The following FAM162B variants were observed in gnomAD, a reference collection of about 807,000 sequenced individuals.
FAM162B encodes protein FAM162B.
Under a neutral mutation model 20.0 loss-of-function variants are expected in FAM162B, and 16 were observed. The ratio of observed to expected loss-of-function variants is 0.80; its 90% confidence interval spans 0.54 to 1.21. FAM162B has a LOEUF of 1.21. Among genes scored for constraint, FAM162B ranks in the 50% most tolerant of loss-of-function variants. The pLI, the probability that FAM162B is intolerant of heterozygous loss-of-function variation, is 0.00. For synonymous variants in FAM162B, 83 were observed against 89.7 expected (o/e 0.93, Z 0.42); for missense variants, 260 against 227.5 (o/e 1.14, Z -0.92).
chr6:116,757,094 T>C (rs1400060224), intron 3 of FAM162B, among the ~76,000 whole-genome samples: 3 of 152,224 alleles, frequency 2.0e-5, no homozygotes, highest in Non-Finnish European at 2.9e-5. Flanking sequence ...AAAACTACTA[T>C]ATCTTCCAAT....
intron 3 of FAM162B, among the ~76,000 whole-genome samples, chr6:116,753,918 C>T (rs757564221): frequency 2.6e-5 from 4 of 152,110 alleles, no homozygotes; most frequent in Non-Finnish European, 5.9e-5. Flanking sequence ...TGTGGTACCA[C>T]GGAAACCAAG....
chr6:116,761,978 CT>C lies in FAM162B; in HGVS notation c.388del (p.Arg130GlyfsTer3). On this transcript the variant is annotated frameshift_variant and splice_region_variant, in exon 3 of 4. Transcript: ENST00000368557. LOFTEE classifies it high-confidence loss of function. Reference protein sequence around the residue: ...ACFAVIVSAKRAVERHESLTS... With the variant: ...ACFAVIVSAKXAVERHESLTS... Reference sequence around the variant, plus strand: ...TTGCCCTTTTAAGGAGATACTCACCCTTTTGGCTGACACTATCACAGCAAAG... The same window carrying C: ...TTGCCCTTTTAAGGAGATACTCACCCTTTGGCTGACACTATCACAGCAAAG... The C allele has an allele frequency of 1.3e-6, 2 of 1,589,110 alleles. No homozygotes were observed. Among genetic ancestry groups the C allele is most frequent in the Non-Finnish European group, 1.7e-6 (2 of 1,161,702 alleles).
Position 116,752,594 on chromosome 6 carries a change from A to G in FAM162B, c.*3T>C, listed in dbSNP as rs1188862197. 6.4e-7 allele frequency: 1 copy of G among 1,568,326 alleles called. No homozygotes were observed. Among genetic ancestry groups the G allele is most frequent in the Non-Finnish European group, 8.7e-7 (1 of 1,150,736 alleles). ...TCAGGTGAACACTTTGTCACTTAGA[A>G]TATCATTTAGCTTTAGCCTGTGCAG... On this transcript the variant is annotated 3_prime_UTR_variant, in exon 4 of 4. Transcript: ENST00000368557.
Position 116,765,450 on chromosome 6 carries a change from A to T in FAM162B, c.127T>A (p.Tyr43Asn). The T allele has an allele frequency of 2.1e-6, 3 of 1,443,548 alleles. No individual in the cohort carries two copies. Among genetic ancestry groups the T allele is most frequent in the Non-Finnish European group, 2.7e-6 (3 of 1,098,944 alleles). 89.4% of individuals were successfully genotyped at this position (1,443,548 alleles called of 1,614,324 possible). A position where few individuals can be genotyped will look rare whatever the true frequency, so the allele number is the denominator to read the frequency against. The change falls in exon 1 of 4, where the codon TAC becomes AAC. Residue 43 changes from tyrosine (Y) to asparagine (N), a missense_variant. By Grantham distance (143) the Tyr-to-Asn change is moderately radical. Transcript: ENST00000368557. ...PALPPRGLPC[Y>N]SSGGAPSNSG... is the part of the protein sequence containing the mutation. ...TTGCTGGGGGCCCCGCCGCTGGAGT[A>T]GCAGGGGAGACCCCGGGGCGGAAGA...
chr6:116,761,902 A>C, intron 3 of FAM162B, 75 bp downstream of exon 3: 2,307 of 1,041,736 alleles, frequency 2.2e-3, no homozygotes, highest in Non-Finnish European at 2.9e-3. Context: ...TTTTGGTGAG[A>C]TACTCTTTTA....
At chr6:116,761,660 T>G (rs576851513) in intron 3 of FAM162B, among the ~76,000 whole-genome samples, 2 of 144,314 alleles carry the variant, frequency 1.4e-5, no homozygotes, top group Non-Finnish European at 3.0e-5. Flanking sequence ...ATATATATAC[T>G]TATATATATA....
chr6:116,758,170 T>A (rs1226392152), intron 3 of FAM162B, among the ~76,000 whole-genome samples: 1 of 152,130 alleles, frequency 6.6e-6, no homozygotes, highest in Non-Finnish European at 1.5e-5. Flanking sequence ...CAAGAATCAT[T>A]TACAATAGGC....
chr6:116,759,692 G>A (rs1780114957), intron 3 of FAM162B, among the ~76,000 whole-genome samples: 1 of 152,038 alleles, frequency 6.6e-6, no homozygotes, highest in Non-Finnish European at 1.5e-5. Flanking sequence ...ACTCTACACT[G>A]GATCCCCAAT....
chr6:116,756,640 TGAAA>T (rs910818586), intron 3 of FAM162B, among the ~76,000 whole-genome samples: 7 of 152,330 alleles, frequency 4.6e-5, no homozygotes, highest in Admixed American at 2.0e-4. Context: ...AAATCTTTCA[TGAAA>T]GAAAGAGTCA....
At chr6:116,753,903 G>A (rs536833331) in intron 3 of FAM162B, among the ~76,000 whole-genome samples, 1 of 152,260 alleles carries the variant, frequency 6.6e-6, no homozygotes. Flanking sequence ...GACAACCTAC[G>A]TGAGTGTGGT....
chr6:116,762,237 AG>A, intron 2 of FAM162B, 152 bp from the exon 3 acceptor site: 1 of 558,548 alleles, frequency 1.8e-6, no homozygotes, highest in Non-Finnish European at 3.1e-6. Flanking sequence ...TTGAAATGCT[AG>A]CTAGTTATTT....
intron 3 of FAM162B, among the ~76,000 whole-genome samples, chr6:116,756,287 C>T (rs9387433): frequency 0.13 from 20,126 of 152,080 alleles, 1,685 homozygotes; most frequent in East Asian, 0.31. Context: ...GGGTTCAAGC[C>T]TTCAGTGGAG....
intron 3 of FAM162B, 85 bp from the exon 4 acceptor site, chr6:116,752,780 C>T: frequency 2.8e-6 from 1 of 362,618 alleles, no homozygotes; most frequent in African/African-American, 2.5e-5. Flanking sequence ...ATATATCTCA[C>T]TGTGACTCTC....
At chr6:116,761,499 G>A (rs987912444) in intron 3 of FAM162B, among the ~76,000 whole-genome samples, 4 of 151,374 alleles carry the variant, frequency 2.6e-5, no homozygotes, top group South Asian at 2.1e-4. Flanking sequence ...TTTTAACCAC[G>A]GTGTAAATTG....
intron 3 of FAM162B, among the ~76,000 whole-genome samples, chr6:116,757,205 G>A (rs1429817988): frequency 6.6e-6 from 1 of 152,094 alleles, no homozygotes; most frequent in Non-Finnish European, 1.5e-5. Context: ...ATAAAATTAA[G>A]TATTAGCACC....
intron 3 of FAM162B, among the ~76,000 whole-genome samples, chr6:116,753,752 A>G (rs905654916): frequency 1.3e-5 from 2 of 152,190 alleles, no homozygotes; most frequent in Admixed American, 6.5e-5. Flanking sequence ...TAAATCCAGA[A>G]GACTTGGTAA....
chr6:116,760,483 G>T (rs1427655140), intron 3 of FAM162B, among the ~76,000 whole-genome samples: 1 of 152,110 alleles, frequency 6.6e-6, no homozygotes, highest in African/African-American at 2.4e-5. Flanking sequence ...TTGTGATTAT[G>T]ATTTAAAAAC....
chr6:116,760,864 C>A (rs1780132787), intron 3 of FAM162B, among the ~76,000 whole-genome samples: 1 of 152,108 alleles, frequency 6.6e-6, no homozygotes, highest in African/African-American at 2.4e-5. Context: ...CACACTTGGG[C>A]ACCTGAGGAG....
intron 3 of FAM162B, among the ~76,000 whole-genome samples, chr6:116,757,833 T>C (rs112246756): frequency 2.1e-4 from 32 of 151,722 alleles, no homozygotes; most frequent in Non-Finnish European, 4.0e-4. Context: ...GAGTGTATCA[T>C]TGGTGACCTT....
Sources: gnomAD v4.1 joint callset for allele counts (sites outside exome capture counted in the v4.1 genomes callset) on GRCh38, gnomAD v4.1.1 for gene constraint, MANE v1.5 for transcripts, NCBI Gene and HGNC (gene_info 2026-07-23, HGNC 2026-07-21) for gene names.